The following GPRIN1 variants were observed in gnomAD, a reference collection of about 807,000 sequenced individuals.
GPRIN1 encodes the protein G protein-regulated inducer of neurite outgrowth 1.
In GPRIN1, 4 loss-of-function variants were observed where a neutral mutation model predicts 2.8. The ratio of observed to expected loss-of-function variants is 1.45; its 90% CI spans 0.71 to 3.32. The LOEUF (loss-of-function observed/expected upper bound fraction) is 3.32, where lower values mean the gene tolerates loss of function less well. Ranked by LOEUF, GPRIN1 falls within the 30% of genes most tolerant of loss-of-function variation. GPRIN1 has a pLI of 0.01. For synonymous variants in GPRIN1, 589 were observed against 589.9 expected (o/e 1.00, Z 0.02); for missense variants, 1,322 against 1,343.4 (o/e 0.98, Z 0.25).
At position 176,599,260 on chromosome 5, in the gene GPRIN1, T is replaced by C. The variant is rs781150784; in HGVS notation, c.575A>G (p.Lys192Arg). 3 of 1,613,944 alleles carry C rather than the reference T, an allele frequency of 1.9e-6. No homozygotes were observed. The highest frequency in any genetic ancestry group is 2.5e-6 in the Non-Finnish European group (3 of 1,180,014). ...TGKAEPEILG[K>R]GDPVAPGRMD... ...CCTTCCAGGAGCCACAGGATCCCCC[T>C]TTCCCAAGATTTCAGGCTCTGCCTT... The change falls in exon 2 of 2, where the codon AAG becomes AGG. Residue 192 changes from lysine to arginine, a missense_variant. Transcript: ENST00000303991.
At chr5:176,606,061 G>A (rs1383952714) in intron 1 of GPRIN1, among the ~76,000 whole-genome samples, 1 of 152,148 alleles carries the variant, frequency 6.6e-6, no homozygotes, top group East Asian at 1.9e-4. Context: ...CAGCCAATAA[G>A]CTCCTCTCCC....
rs1037394175 is a variant in GPRIN1, at chr5:176,597,266, C to T, written c.2569G>A (p.Ala857Thr). The T allele has an allele frequency of 2.5e-4, 305 of 1,242,224 alleles. No homozygotes were observed. The highest frequency in any genetic ancestry group is 2.9e-4 in the Non-Finnish European group (285 of 995,362). The allele number at this position is 1,242,224 out of a possible 1,614,324, so 77.0% of individuals were successfully genotyped here. ...RAPSPPSRRD[A>T]GLQVSLGAAE... Reference sequence around the variant, plus strand: ...GCGCCCAGCGACACCTGCAGGCCCGCATCTCGGCGCGAGGGCGGGCTGGGC... The same window carrying T: ...GCGCCCAGCGACACCTGCAGGCCCGTATCTCGGCGCGAGGGCGGGCTGGGC... The change falls in exon 2 of 2, where the codon GCG becomes ACG. Residue 857 changes from alanine (A) to threonine (T), a missense_variant. Ala to Thr is a moderately conservative substitution (Grantham distance 58, BLOSUM62 0). This residue lies in a region of GPRIN1 where 1,117 missense variants were observed against 1,128.6 expected (regional missense o/e 0.99). Coordinates refer to ENST00000303991, the MANE Select transcript of GPRIN1 (RefSeq NM_052899.3). This position sits in a 1 kb window ranked among gnomAD's most constrained non-coding sequence, Gnocchi z 6.1.
chr5:176,598,472 T>C lies in GPRIN1; in HGVS notation c.1363A>G (p.Lys455Glu). 6.2e-7 allele frequency: 1 copy of C among 1,614,128 alleles called. No individual in the cohort carries two copies. The highest frequency in any genetic ancestry group is 1.1e-5 in the South Asian group (1 of 91,084). The change falls in exon 2 of 2, where the codon AAA becomes GAA. Residue 455 changes from lysine (K) to glutamate (E), a missense_variant. Lys to Glu is a moderately conservative substitution (Grantham distance 56). Coordinates refer to ENST00000303991, the MANE Select transcript of GPRIN1 (RefSeq NM_052899.3). ...CTTCTGGAGGACACCGGGTCCTCTT[T>C]TCCTGGGGATACAGTTCCTGCCTTT... ...VGKAGTVSPG[K>E]EDPVSSRRED...
At position 176,606,157 on chromosome 5, in the gene GPRIN1, C is replaced by G. The variant is rs377636758; in HGVS notation, c.-44+3842G>C. Among the ~76,000 whole-genome samples, 13 of 152,274 alleles carry G rather than the reference C, an allele frequency of 8.5e-5. No individual in the cohort carries two copies. The East Asian group carries it at 2.1e-3, about 25-fold the overall frequency. On this transcript the variant is annotated intron_variant, in intron 1 of 1. Coordinates refer to ENST00000303991, the MANE Select transcript of GPRIN1 (RefSeq NM_052899.3). ...GCAACGCCCTTCTCCTCCTTGGGGA[C>G]CCTGAAGAACCCACCTCCTGCTCCC... is the stretch of plus-strand genomic sequence containing the variant.
chr5:176,604,438 T>A (rs533183413), intron 1 of GPRIN1, among the ~76,000 whole-genome samples: 1 of 152,278 alleles, frequency 6.6e-6, no homozygotes, highest in South Asian at 2.1e-4. Flanking sequence ...CAGGCTGGAG[T>A]GCAGTGGCGC....
intron 1 of GPRIN1, among the ~76,000 whole-genome samples, chr5:176,607,216 T>C (rs1056379825): frequency 2.6e-5 from 4 of 152,196 alleles, no homozygotes; most frequent in African/African-American, 9.7e-5. Flanking sequence ...GGGCCCTTCC[T>C]GGATCTTGGG....
chr5:176,601,966 G>A (rs899553173), intron 1 of GPRIN1, among the ~76,000 whole-genome samples: 3 of 152,052 alleles, frequency 2.0e-5, no homozygotes, highest in African/African-American at 4.8e-5. Flanking sequence ...CCCTCTGCTC[G>A]GAACCAGGCA....
chr5:176,607,177 C>T (rs1759233402), intron 1 of GPRIN1, among the ~76,000 whole-genome samples: 1 of 152,158 alleles, frequency 6.6e-6, no homozygotes, highest in African/African-American at 2.4e-5. Flanking sequence ...AAGACCACTC[C>T]CAGAGGCTCT....
rs1759090031 is a variant in GPRIN1 at position 176,598,454 on chromosome 5, A to G, written c.1381T>C (p.Ser461Pro). 6.2e-7 allele frequency: 1 copy of G among 1,614,034 alleles called. No homozygotes were observed. The highest frequency in any genetic ancestry group is 8.5e-7 in the Non-Finnish European group (1 of 1,180,008). ...VSPGKEDPVSSRREDPISAGS... is the reference protein window; with the variant it reads ...VSPGKEDPVSPRREDPISAGS... The stretch of plus-strand genomic sequence containing the variant: ...GCAGATATGGGGTCCTCCCTTCTGG[A>G]GGACACCGGGTCCTCTTTTCCTGGG... Residue 461 changes from serine to proline, a missense_variant, in exon 2 of 2, where the codon TCC (serine) becomes CCC (proline). This residue lies in a region of GPRIN1 where 1,117 missense variants were observed against 1,128.6 expected (regional missense o/e 0.99). Coordinates refer to ENST00000303991, the MANE Select transcript of GPRIN1 (RefSeq NM_052899.3).
intron 1 of GPRIN1, among the ~76,000 whole-genome samples, chr5:176,608,685 C>T (rs1208961307): frequency 6.6e-6 from 1 of 152,186 alleles, no homozygotes; most frequent in Non-Finnish European, 1.5e-5. Flanking sequence ...GGGTGTTGCA[C>T]AGGTGCCTGT....
At chr5:176,609,956 G>A (rs1015286556) in intron 1 of GPRIN1, 43 bp downstream of exon 1, 12 of 151,842 alleles carry the variant, frequency 7.9e-5, no homozygotes, top group East Asian at 1.9e-4. Flanking sequence ...AGGGGCTGCC[G>A]CCGCCCGCCC....
chr5:176,599,616 G>A lies in GPRIN1; in HGVS notation c.219C>T (p.Ser73=). ...AGGCCCCTTCCCCAGCCCCACTGGG[G>A]CTTCTGTGTCTAGACTCCATGCCTG... ...QSPGMESRHR[S]PSGAGEGASC... is the part of the protein sequence containing the mutation. The change falls in exon 2 of 2, where the codon AGC becomes AGT. Residue 73 remains serine (S), a synonymous_variant. Transcript: ENST00000303991. 3.9e-6 allele frequency: 6 copies of A among 1,541,506 alleles called. No homozygotes were observed. Among genetic ancestry groups the A allele is most frequent in the South Asian group, 1.3e-5 (1 of 78,274 alleles).
chr5:176,597,811 C>A lies in GPRIN1; in HGVS notation c.2024G>T (p.Cys675Phe), dbSNP rs751444614. 11 of 1,605,556 alleles carry A rather than the reference C, an allele frequency of 6.9e-6. No individual in the cohort carries two copies. The Admixed American group carries it at 1.9e-4, about 27-fold the overall frequency. The change falls in exon 2 of 2, where the codon TGC becomes TTC. Residue 675 changes from cysteine to phenylalanine, a missense_variant. By Grantham distance (205) the Cys-to-Phe change is radical. This residue lies in a region of GPRIN1 where 1,117 missense variants were observed against 1,128.6 expected (regional missense o/e 0.99). Coordinates refer to ENST00000303991, the MANE Select transcript of GPRIN1 (RefSeq NM_052899.3). The surrounding 1 kb of genome is among the most constrained non-coding windows in gnomAD (Gnocchi z 6.1). Reference protein sequence around the residue: ...QASEKVDPGSCRKAEPLASGK... With the variant: ...QASEKVDPGSFRKAEPLASGK... ...TGAGGCAAGGGGCTCTGCTTTTCTG[C>A]AGGATCCAGGATCCACCTTCTCTGA...
Position 176,597,868 on chromosome 5 carries a change from G to A in GPRIN1, c.1967C>T (p.Ala656Val). ...EGAAAPGEAG[A>V]VCLKKETPQA... ...TGGTGTCTCCTTTTTCAAACACACA[G>A]CCCCTGCTTCCCCTGGTGCTGCAGC... Residue 656 changes from alanine to valine, a missense_variant, in exon 2 of 2, where the codon GCT (alanine) becomes GTT (valine). Ala to Val is a moderately conservative substitution (Grantham distance 64, BLOSUM62 0). Around this residue, in one of 3 missense-constraint regions of GPRIN1, gnomAD observed 1,117 missense variants for 1,128.6 expected, o/e 0.99. Transcript: ENST00000303991. The surrounding 1 kb of genome is among the most constrained non-coding windows in gnomAD (Gnocchi z 6.1). 1 of 1,613,188 alleles carries A rather than the reference G, an allele frequency of 6.2e-7. No individual in the cohort carries two copies. The highest frequency in any genetic ancestry group is 8.5e-7 in the Non-Finnish European group (1 of 1,179,738).
Position 176,597,050 on chromosome 5 carries a change from T to A in GPRIN1, c.2785A>T (p.Met929Leu). ...GCCATGCCCAGCACCTCCACCTCCATGGCGGCGCCGTATACCTCCCACGTC... is the reference window on the plus strand; with the variant it reads ...GCCATGCCCAGCACCTCCACCTCCAAGGCGGCGCCGTATACCTCCCACGTC... ...GMTWEVYGAA[M>L]EVEVLGMAIQ... The change falls in exon 2 of 2, where the codon ATG becomes TTG. Residue 929 changes from methionine to leucine, a missense_variant. By Grantham distance (15) the Met-to-Leu change is conservative (BLOSUM62 2). Transcript: ENST00000303991. This position sits in a 1 kb window ranked among gnomAD's most constrained non-coding sequence, Gnocchi z 6.1. The A allele has an allele frequency of 6.6e-7, 1 of 1,506,222 alleles. No individual in the cohort carries two copies. Among genetic ancestry groups the A allele is most frequent in the Non-Finnish European group, 8.9e-7 (1 of 1,125,062 alleles). 93.3% of individuals were successfully genotyped at this position (1,506,222 alleles called of 1,614,324 possible). A position where few individuals can be genotyped will look rare whatever the true frequency, so the allele number is the denominator to read the frequency against.
chr5:176,604,413 T>C (rs923990646), intron 1 of GPRIN1, among the ~76,000 whole-genome samples: 12 of 152,184 alleles, frequency 7.9e-5, no homozygotes, highest in African/African-American at 2.9e-4. Flanking sequence ...TGAGACAATG[T>C]CTCACTCTGT....
In GPRIN1 at chr5:176,597,937, T is replaced by G; in HGVS notation, c.1898A>C (p.Gln633Pro). The G allele has an allele frequency of 1.9e-6, 3 of 1,613,936 alleles. No individual in the cohort carries two copies. The highest frequency in any genetic ancestry group is 2.5e-6 in the Non-Finnish European group (3 of 1,179,984). ...DPRASGKAQP[Q>P]SGGKAETKLP... is the part of the protein sequence containing the mutation. ...CTTTGTTTCTGCTTTGCCACCAGACTGCGGCTGTGCTTTCCCCGAGGCCCT... is the reference window on the plus strand; with the variant it reads ...CTTTGTTTCTGCTTTGCCACCAGACGGCGGCTGTGCTTTCCCCGAGGCCCT... The change falls in exon 2 of 2, where the codon CAG becomes CCG. Residue 633 changes from glutamine to proline, a missense_variant. By Grantham distance (76) the Gln-to-Pro change is moderately conservative. Transcript: ENST00000303991. The surrounding 1 kb of genome is among the most constrained non-coding windows in gnomAD (Gnocchi z 6.1).
Position 176,596,491 on chromosome 5 carries a change from G to C in GPRIN1, c.*317C>G. 1 of 180,304 alleles carries C rather than the reference G, an allele frequency of 5.5e-6. No homozygotes were observed. The highest frequency in any genetic ancestry group is 1.2e-5 in the Non-Finnish European group (1 of 86,636). 11.2% of individuals were successfully genotyped at this position (180,304 alleles called of 1,614,324 possible). On this transcript the variant is annotated 3_prime_UTR_variant, in exon 2 of 2. Transcript: ENST00000303991. The surrounding 1 kb of genome is among the most constrained non-coding windows in gnomAD (Gnocchi z 5.2). ...TCTCAGGAGCCTGCCCCAGCTCTCA[G>C]GGGGTGGGAGGTGAGGGTGCTGAGC...
At position 176,598,456 on chromosome 5, in the gene GPRIN1, G is replaced by A; in HGVS notation, c.1379C>T (p.Ser460Phe). ...AGATATGGGGTCCTCCCTTCTGGAG[G>A]ACACCGGGTCCTCTTTTCCTGGGGA... Reference protein sequence around the residue: ...TVSPGKEDPVSSRREDPISAG... With the variant: ...TVSPGKEDPVFSRREDPISAG... The change falls in exon 2 of 2, where the codon TCC becomes TTC. Residue 460 changes from serine (S) to phenylalanine (F), a missense_variant. By Grantham distance (155) the Ser-to-Phe change is radical. Coordinates refer to ENST00000303991, the MANE Select transcript of GPRIN1 (RefSeq NM_052899.3). 2 of 1,614,102 alleles carry A rather than the reference G, an allele frequency of 1.2e-6. No individual in the cohort carries two copies. Among genetic ancestry groups the A allele is most frequent in the Non-Finnish European group, 8.5e-7 (1 of 1,180,032 alleles).
Sources: gnomAD v4.1 joint callset for allele counts (sites outside exome capture counted in the v4.1 genomes callset) on GRCh38, gnomAD v4.1.1 for gene constraint, gnomAD v4.1.1 regional missense constraint, Gnocchi (gnomAD v3.1) non-coding constraint, MANE v1.5 for transcripts, NCBI Gene and HGNC (gene_info 2026-07-23, HGNC 2026-07-21) for gene names.